Variants in RHBDF1 observed in about 807,000 individuals in gnomAD.
The protein encoded by RHBDF1 is rhomboid 5 homolog 1.
In RHBDF1, 80 loss-of-function variants were observed where a neutral mutation model predicts 98.6. That is an observed-to-expected ratio of 0.81 (90% CI 0.68 to 0.98). RHBDF1 has a LOEUF of 0.98. Among genes scored for constraint, RHBDF1 ranks in the 50% least tolerant of loss-of-function variants. The probability of loss-of-function intolerance (pLI) is 0.00; values close to 1 mark genes in which losing one functional copy is unlikely to be tolerated. For synonymous variants in RHBDF1, 512 were observed against 486.8 expected (o/e 1.05, Z -0.68); for missense variants, 1,116 against 1,198.3 (o/e 0.93, Z 1.01).
At chr16:74,211 C>T (rs1229014844), upstream of RHBDF1, among the ~76,000 whole-genome samples, 1 of 147,780 alleles carries the variant, frequency 6.8e-6, no homozygotes, top group Non-Finnish European at 1.5e-5. Context: ...CAGCCAGAGA[C>T]AGGACAGTCT....
chr16:75,438 C>T (rs1055532885), upstream of RHBDF1, among the ~76,000 whole-genome samples: 4 of 152,184 alleles, frequency 2.6e-5, no homozygotes, highest in Non-Finnish European at 1.5e-5. Context: ...TTGGGGAGTC[C>T]CTGGAAGGAT....
rs781418988 is a variant in RHBDF1, at chr16:64,902, C to G, written c.114G>C (p.Leu38=). ...GTCCCTGCAGGCCAGGGCCTACCTGCAGGAAGCTGGGCTCTTCTGCCGTCA... is the reference window on the plus strand; with the variant it reads ...GTCCCTGCAGGCCAGGGCCTACCTGGAGGAAGCTGGGCTCTTCTGCCGTCA... ...VPLTAEEPSF[L]QPLRRQAFLR... is the part of the protein sequence containing the mutation. Residue 38 remains leucine, a synonymous_variant, in exon 2 of 18, where the codon CTG becomes CTC. Transcript: ENST00000262316. 19 of 1,609,946 alleles carry G rather than the reference C, an allele frequency of 1.2e-5. No individual in the cohort carries two copies. The highest frequency in any genetic ancestry group is 1.5e-5 in the Non-Finnish European group (18 of 1,177,280).
chr16:61,910 G>C lies in RHBDF1; in HGVS notation c.1096C>G (p.Arg366Gly). 6.2e-7 allele frequency: 1 copy of C among 1,604,254 alleles called. No individual in the cohort carries two copies. Among genetic ancestry groups the C allele is most frequent in the Non-Finnish European group, 8.5e-7 (1 of 1,179,646 alleles). ...CCCAGCCCATACGGCCGCTTCTCCC[G>C]GGCGAAGAGCTTGCGCACCGGCACC... ...IAVPVRKLFA[R>G]EKRPYGLGMV... The change falls in exon 8 of 18, where the codon CGG becomes GGG. Residue 366 changes from arginine to glycine, a missense_variant. Arg to Gly is a moderately radical substitution (Grantham distance 125). Transcript: ENST00000262316.
At chr16:65,135 C>T (rs758383175) in intron 1 of RHBDF1, 96 bp from the exon 2 acceptor site, 22 of 1,310,990 alleles carry the variant, frequency 1.7e-5, no homozygotes, top group Non-Finnish European at 2.1e-5. Flanking sequence ...GTGATGAGCC[C>T]AACCGTGGTG....
At chr16:58,917 T>C in intron 17 of RHBDF1, 57 bp downstream of exon 17, 2 of 1,599,118 alleles carry the variant, frequency 1.3e-6, no homozygotes, top group Non-Finnish European at 1.7e-6. Flanking sequence ...TATGGACAGG[T>C]TCACAGCAGG....
chr16:59,587 G>T lies in RHBDF1; in HGVS notation c.1818-93C>A, dbSNP rs1048858575. 30 of 1,483,750 alleles carry T rather than the reference G, an allele frequency of 2.0e-5. No individual in the cohort carries two copies. In the African/African-American group the frequency reaches 2.9e-4, roughly 14 times the overall value. The allele number at this position is 1,483,750 out of a possible 1,614,324, so 91.9% of individuals were successfully genotyped here. On this transcript the variant is annotated intron_variant, in intron 14 of 17. Transcript: ENST00000262316. ...GTTTCAGCCGCACCTACCCACCTTT[G>T]TTGGCCCCAAGGAAGTCCAGACCCC... is the stretch of plus-strand genomic sequence containing the variant.
In RHBDF1 at chr16:61,779, C is replaced by G. The variant is rs750743703; in HGVS notation, c.1208+19G>C. The G allele has an allele frequency of 1.2e-6, 2 of 1,612,390 alleles. No homozygotes were observed. The highest frequency in any genetic ancestry group is 2.2e-5 in the South Asian group (2 of 91,040). ...CCGGGAGCCTCCATCCCAACCCAGG[C>G]CTTGCCTGCCACGCCTACCTGTGGT... On this transcript the variant is annotated intron_variant, in intron 8 of 17. Coordinates refer to ENST00000262316, the MANE Select transcript of RHBDF1 (RefSeq NM_022450.5).
intron 1 of RHBDF1, among the ~76,000 whole-genome samples, chr16:66,325 C>G (rs1260566650): frequency 1.3e-5 from 2 of 152,186 alleles, no homozygotes; most frequent in African/African-American, 4.8e-5. Flanking sequence ...TGGAGGAAAG[C>G]CCCACCTATG....
chr16:58,805 C>T (rs1266101732), intron 17 of RHBDF1, 46 bp from the exon 18 acceptor site: 3 of 1,585,610 alleles, frequency 1.9e-6, no homozygotes, highest in African/African-American at 2.7e-5. Flanking sequence ...GCTGGGCAGG[C>T]CCCCTGGACC....
At position 61,416 on chromosome 16, in the gene RHBDF1, T is replaced by A; in HGVS notation, c.1364A>T (p.Gln455Leu). The A allele has an allele frequency of 7.4e-6, 12 of 1,612,152 alleles. No individual in the cohort carries two copies. Among genetic ancestry groups the A allele is most frequent in the Non-Finnish European group, 1.0e-5 (12 of 1,179,688 alleles). The change falls in exon 10 of 18, where the codon CAG (glutamine) becomes CTG (leucine). Residue 455 changes from glutamine (Q) to leucine (L), a missense_variant. Physicochemically the swap from Gln to Leu is moderately radical, Grantham distance 113 (BLOSUM62 -2). Coordinates refer to ENST00000262316, the MANE Select transcript of RHBDF1 (RefSeq NM_022450.5). The stretch of plus-strand genomic sequence containing the variant: ...GGGCCCGATCCAGAAGTTCTCCTGC[T>A]GCACGTACTTGACGTTCTCGTAGAC... ...RGVYENVKYV[Q>L]QENFWIGPSS...
At chr16:59,574 C>A in intron 14 of RHBDF1, 80 bp from the exon 15 acceptor site, 2 of 1,503,532 alleles carry the variant, frequency 1.3e-6, no homozygotes, top group South Asian at 1.2e-5. Context: ...TTCAGCCGCA[C>A]CTACCCACCT....
intron 4 of RHBDF1, 40 bp from the exon 5 acceptor site, chr16:63,222 G>A (rs375072833): frequency 6.7e-6 from 10 of 1,492,958 alleles, no homozygotes; most frequent in Admixed American, 2.0e-5. Context: ...GGACCATGGG[G>A]GCTCCTAGCT....
chr16:71,404 G>A (rs562477954), intron 1 of RHBDF1, among the ~76,000 whole-genome samples: 6 of 152,326 alleles, frequency 3.9e-5, no homozygotes, highest in African/African-American at 1.2e-4. Context: ...TTGAGCCCCA[G>A]CCAGCTGCTT....
At chr16:60,939 C>T (rs1458620920) in intron 11 of RHBDF1, 181 bp downstream of exon 11, 27 of 646,314 alleles carry the variant, frequency 4.2e-5, no homozygotes, top group Middle Eastern at 2.6e-4. Flanking sequence ...GTCTACGGGG[C>T]GAGGAGCTGG....
At chr16:66,146 G>C (rs1047025699) in intron 1 of RHBDF1, among the ~76,000 whole-genome samples, 1 of 152,220 alleles carries the variant, frequency 6.6e-6, no homozygotes, top group Non-Finnish European at 1.5e-5. Flanking sequence ...ACACGAGACA[G>C]ATAGTGGGGG....
chr16:70,367 A>G lies in RHBDF1; in HGVS notation c.-25+2146T>C, dbSNP rs144596203. 4.4e-3 allele frequency among the ~76,000 whole-genome samples: 668 copies of G among 152,294 alleles called. 5 individuals are homozygous for G. The highest frequency in any genetic ancestry group is 0.014 in the Middle Eastern group (4 of 294). On this transcript the variant is annotated intron_variant, in intron 1 of 17. Coordinates refer to ENST00000262316, the MANE Select transcript of RHBDF1 (RefSeq NM_022450.5). ...ACGTCTGGCCAGAGGACAGATGGGC[A>G]GCCCAGTCACCAGTCAGAGCCCTCC...
chr16:63,420 C>T (rs1897720041), intron 4 of RHBDF1, among the ~76,000 whole-genome samples, 167 bp downstream of exon 4: 1 of 152,222 alleles, frequency 6.6e-6, no homozygotes, highest in Non-Finnish European at 1.5e-5. Flanking sequence ...CCCAAGGTAC[C>T]CCTTCCCAGA....
rs772805827 is a variant in RHBDF1, at chr16:61,416, T to C, written c.1364A>G (p.Gln455Arg). 6.2e-7 allele frequency: 1 copy of C among 1,612,036 alleles called. No homozygotes were observed. The highest frequency in any genetic ancestry group is 1.1e-5 in the South Asian group (1 of 91,066). The change falls in exon 10 of 18, where the codon CAG (glutamine) becomes CGG (arginine). Residue 455 changes from glutamine to arginine, a missense_variant. Transcript: ENST00000262316. ...RGVYENVKYV[Q>R]QENFWIGPSS... ...GGGCCCGATCCAGAAGTTCTCCTGC[T>C]GCACGTACTTGACGTTCTCGTAGAC...
rs543660718 is a variant in RHBDF1, at chr16:59,323, C to T, written c.1920G>A (p.Gly640=). The change falls in exon 16 of 18, where the codon GGG becomes GGA. Residue 640 remains glycine, a synonymous_variant. Coordinates refer to ENST00000262316, the MANE Select transcript of RHBDF1 (RefSeq NM_022450.5). Reference sequence around the variant, plus strand: ...CCTCGGGGTTGAGAAAAGGCAGGAGCCCACACACATCATCCATGCAGTGCA... The same window carrying T: ...CCTCGGGGTTGAGAAAAGGCAGGAGTCCACACACATCATCCATGCAGTGCA... ...SQVHCMDDVC[G]LLPFLNPEVP... is the part of the protein sequence containing the mutation. 48 of 1,612,110 alleles carry T rather than the reference C, an allele frequency of 3.0e-5. No homozygotes were observed. The highest frequency in any genetic ancestry group is 6.7e-5 in the Admixed American group (4 of 59,894).
Sources: gnomAD v4.1 joint callset for allele counts (sites outside exome capture counted in the v4.1 genomes callset) on GRCh38, gnomAD v4.1.1 for gene constraint, MANE v1.5 for transcripts, NCBI Gene and HGNC (gene_info 2026-07-23, HGNC 2026-07-21) for gene names.